The following TAF3 variants were observed in gnomAD, a reference collection of about 807,000 sequenced individuals.
The protein encoded by TAF3 is transcription initiation factor TFIID subunit 3.
A neutral mutation model predicts 80.6 loss-of-function variants in TAF3; 7 were observed. The observed-to-expected ratio is 0.09, with a 90% CI of 0.05 to 0.16. TAF3 has a LOEUF of 0.16. Among genes scored for constraint, TAF3 ranks in the 10% least tolerant of loss-of-function variants. The probability of loss-of-function intolerance (pLI) is 1.00; values close to 1 mark genes in which losing one functional copy is unlikely to be tolerated. For synonymous variants in TAF3, 444 were observed against 446.1 expected (o/e 1.00, Z 0.06); for missense variants, 921 against 1,140.2 (o/e 0.81, Z 2.77).
chr10:7,848,476 T>C (rs1276843186), intron 2 of TAF3, among the ~76,000 whole-genome samples: 1 of 152,186 alleles, frequency 6.6e-6, no homozygotes, highest in Non-Finnish European at 1.5e-5. Flanking sequence ...TTGTCTGCAA[T>C]TGAGTATTAC....
intron 3 of TAF3, chr10:7,975,086 A>G: frequency 3.6e-6 from 1 of 278,770 alleles, no homozygotes; most frequent in South Asian, 2.9e-5. Flanking sequence ...AAAAAAAAAA[A>G]AAAAAAGAGT....
chr10:7,882,973 A>G (rs1414894228), intron 2 of TAF3, among the ~76,000 whole-genome samples: 1 of 152,232 alleles, frequency 6.6e-6, no homozygotes, highest in East Asian at 1.9e-4. Flanking sequence ...TGCAGACATC[A>G]TGCTCCTTTG....
At position 7,865,978 on chromosome 10, in the gene TAF3, G is replaced by A. The variant is rs140692959; in HGVS notation, c.409+41418G>A. 7.4e-3 allele frequency among the ~76,000 whole-genome samples: 1,134 copies of A among 152,242 alleles called. 9 individuals carry two copies. Among genetic ancestry groups the A allele is most frequent in the Non-Finnish European group, 0.011 (737 of 68,018 alleles). On this transcript the variant is annotated intron_variant, in intron 2 of 6. Transcript: ENST00000344293. Reference sequence around the variant, plus strand: ...CTGGAGCATGTGGTGCACCATGTTCGGCACCTTGACTTTCGTTTTACCCAA... The same window carrying A: ...CTGGAGCATGTGGTGCACCATGTTCAGCACCTTGACTTTCGTTTTACCCAA...
chr10:7,953,931 G>A (rs1838109176), intron 2 of TAF3, among the ~76,000 whole-genome samples: 1 of 144,476 alleles, frequency 6.9e-6, no homozygotes, highest in East Asian at 2.2e-4. Context: ...GAGCGGATTA[G>A]TCCTAGTTAA....
At chr10:7,883,543 A>T (rs1564355771) in intron 2 of TAF3, among the ~76,000 whole-genome samples, 1 of 152,216 alleles carries the variant, frequency 6.6e-6, no homozygotes, top group Non-Finnish European at 1.5e-5. Context: ...CTTTGAGACT[A>T]TGTAAATACT....
At chr10:7,876,201 C>T (rs191643421) in intron 2 of TAF3, among the ~76,000 whole-genome samples, 92 of 151,980 alleles carry the variant, frequency 6.1e-4, no homozygotes, top group South Asian at 1.2e-3. Context: ...GTGATGAAAT[C>T]GACTATTTTA....
chr10:8,014,801 G>A lies in TAF3; in HGVS notation c.*50G>A. On this transcript the variant is annotated 3_prime_UTR_variant, in exon 7 of 7. Transcript: ENST00000344293. ...CGGGGTCAGCCCGGGCTTCTTCCCT[G>A]GCGCCTCTGGAAGGGAGCTGGTGCA... 1 of 1,488,206 alleles carries A rather than the reference G, an allele frequency of 6.7e-7. No homozygotes were observed. The highest frequency in any genetic ancestry group is 9.1e-7 in the Non-Finnish European group (1 of 1,101,592). 92.2% of individuals were successfully genotyped at this position (1,488,206 alleles called of 1,614,324 possible).
chr10:7,900,953 G>T (rs1252561900), intron 2 of TAF3, among the ~76,000 whole-genome samples: 1 of 7,012 alleles, frequency 1.4e-4, no homozygotes, highest in Non-Finnish European at 4.7e-4. Flanking sequence ...TTTTAAATGG[G>T]TGCTTCTTGA....
intron 2 of TAF3, among the ~76,000 whole-genome samples, chr10:7,953,128 G>A (rs1280282920): frequency 2.0e-5 from 3 of 152,030 alleles, no homozygotes; most frequent in Non-Finnish European, 4.4e-5. Flanking sequence ...GTAATACCCC[G>A]TGTTCTACAC....
intron 3 of TAF3, among the ~76,000 whole-genome samples, chr10:7,974,228 G>A (rs1831649417): frequency 1.3e-5 from 2 of 151,320 alleles, no homozygotes; most frequent in African/African-American, 2.4e-5. Flanking sequence ...TGCTCCACCC[G>A]CCACCCATCC....
At chr10:7,871,435 C>CTTTTTTT (rs527356726) in intron 2 of TAF3, among the ~76,000 whole-genome samples, 953 of 68,970 alleles carry the variant, frequency 0.014, 104 homozygotes, top group Non-Finnish European at 0.018. Flanking sequence ...ATAACTGCTG[C>CTTTTTTT]TTTTTTTTTT....
chr10:7,856,812 C>T (rs1196294058), intron 2 of TAF3, among the ~76,000 whole-genome samples: 4 of 143,222 alleles, frequency 2.8e-5, no homozygotes, highest in South Asian at 4.3e-4. Context: ...AACTTAAAGA[C>T]GGTCCCACTC....
intron 2 of TAF3, among the ~76,000 whole-genome samples, chr10:7,896,972 C>T (rs1241291161): frequency 2.0e-5 from 3 of 152,126 alleles, no homozygotes; most frequent in East Asian, 1.9e-4. Context: ...CCTGGCTGGC[C>T]GTGAGCCAGC....
chr10:7,936,552 G>T (rs1237367368), intron 2 of TAF3, among the ~76,000 whole-genome samples: 1 of 150,998 alleles, frequency 6.6e-6, no homozygotes, highest in African/African-American at 2.4e-5. Flanking sequence ...TGAGTTCCCA[G>T]TAAAATTGAA....
Position 8,014,723 on chromosome 10 carries a change from A to C in TAF3, c.2762A>C (p.His921Pro). 6.2e-7 allele frequency: 1 copy of C among 1,607,418 alleles called. No individual in the cohort carries two copies. Among genetic ancestry groups the C allele is most frequent in the Non-Finnish European group, 8.5e-7 (1 of 1,176,714 alleles). ...GCGAACAAGAAGAAGGACAAAAAGC[A>C]CAAGAAGAGGAAGCATCGAGCCCAC... ...KCANKKKDKK[H>P]KKRKHRAH Residue 921 changes from histidine (H) to proline (P), a missense_variant, in exon 7 of 7, where the codon CAC becomes CCC. Transcript: ENST00000344293.
intron 2 of TAF3, among the ~76,000 whole-genome samples, chr10:7,849,931 T>C (rs1295226100): frequency 1.3e-5 from 2 of 152,292 alleles, no homozygotes; most frequent in South Asian, 2.1e-4. Flanking sequence ...TCTACTCACC[T>C]TGGCCTCCCA....
At chr10:7,829,236 C>T (rs749947625) in intron 2 of TAF3, among the ~76,000 whole-genome samples, 1 of 152,060 alleles carries the variant, frequency 6.6e-6, no homozygotes, top group Non-Finnish European at 1.5e-5. Flanking sequence ...TTGGAGAGTT[C>T]ACTCACATCT....
At chr10:7,960,214 T>C (rs967964880) in intron 2 of TAF3, among the ~76,000 whole-genome samples, 1 of 152,204 alleles carries the variant, frequency 6.6e-6, no homozygotes, top group Non-Finnish European at 1.5e-5. Context: ...ACTTTCAGAA[T>C]ACCCTAAAGC....
At chr10:7,882,617 A>C (rs948434202) in intron 2 of TAF3, among the ~76,000 whole-genome samples, 27 of 152,286 alleles carry the variant, frequency 1.8e-4, no homozygotes, top group African/African-American at 6.3e-4. Flanking sequence ...TGGACTCAAC[A>C]TAAGGAAGAA....
Sources: gnomAD v4.1 joint callset for allele counts (sites outside exome capture counted in the v4.1 genomes callset) on GRCh38, gnomAD v4.1.1 for gene constraint, MANE v1.5 for transcripts, NCBI Gene and HGNC (gene_info 2026-07-23, HGNC 2026-07-21) for gene names.